IST1: variants seen among roughly 807,000 people sequenced by gnomAD.
IST1 encodes IST1 homolog.
IST1 carries 23 observed loss-of-function variants against 37.0 expected under a neutral mutation model. That is an observed-to-expected ratio of 0.62 (90% confidence interval 0.45 to 0.88). IST1 has a LOEUF of 0.88. Among genes scored for constraint, IST1 ranks in the 40% least tolerant of loss-of-function variants. IST1 has a pLI of 0.00. For synonymous variants in IST1, 180 were observed against 161.7 expected (o/e 1.11, Z -0.86); for missense variants, 488 against 445.4 (o/e 1.10, Z -0.86).
At chr16:71,919,506 C>T (rs1393684028) in intron 4 of IST1, among the ~76,000 whole-genome samples, 1 of 152,222 alleles carries the variant, frequency 6.6e-6, no homozygotes, top group Non-Finnish European at 1.5e-5. Flanking sequence ...CCCACCTCAG[C>T]CCCCTGAGTA....
intron 1 of IST1, among the ~76,000 whole-genome samples, chr16:71,908,296 CTTTTTTTT>C (rs59849119): frequency 1.3e-5 from 1 of 76,820 alleles, no homozygotes; most frequent in Middle Eastern, 0.018. Flanking sequence ...CTCGTTGTAG[CTTTTTTTT>C]TTTTTTTTTT....
At position 71,930,425 on chromosome 16, in the gene IST1, G is replaced by A. The variant is rs2037903370; in HGVS notation, c.*2612G>A. ...AGGGCTTTCACAAGAAAACAGGTGA[G>A]TTGCAGTGGAATTGGAAATGATTCA... On this transcript the variant is annotated 3_prime_UTR_variant, in exon 10 of 10. Coordinates refer to ENST00000378799, the MANE Select transcript of IST1 (RefSeq NM_001270975.2). The A allele has an allele frequency of 5.9e-6, 2 of 337,710 alleles. No individual in the cohort carries two copies. Among genetic ancestry groups the A allele is most frequent in the Non-Finnish European group, 5.3e-6 (1 of 187,794 alleles). 20.9% of individuals were successfully genotyped at this position (337,710 alleles called of 1,614,324 possible).
At chr16:71,909,634 G>A (rs560946358) in intron 1 of IST1, among the ~76,000 whole-genome samples, 1 of 152,234 alleles carries the variant, frequency 6.6e-6, no homozygotes, top group East Asian at 1.9e-4. Flanking sequence ...CATTTATATT[G>A]GCCAGTATTT....
intron 1 of IST1, among the ~76,000 whole-genome samples, 187 bp downstream of exon 1, chr16:71,895,776 C>T (rs527982303): frequency 6.6e-6 from 1 of 152,218 alleles, no homozygotes; most frequent in South Asian, 2.1e-4. Context: ...GGGCCCGCGG[C>T]GCAGGAGGCT....
At chr16:71,912,390 A>T (rs1029106906) in intron 1 of IST1, among the ~76,000 whole-genome samples, 2 of 152,080 alleles carry the variant, frequency 1.3e-5, no homozygotes, top group Non-Finnish European at 2.9e-5. Flanking sequence ...GGCGCCCGCC[A>T]CCATGCCTGG....
At chr16:71,909,783 C>G (rs1253912238) in intron 1 of IST1, among the ~76,000 whole-genome samples, 1 of 152,208 alleles carries the variant, frequency 6.6e-6, no homozygotes, top group East Asian at 1.9e-4. Context: ...AGAAATGTCA[C>G]TGTTTACTTG....
At chr16:71,918,442 A>C (rs909187854) in intron 4 of IST1, among the ~76,000 whole-genome samples, 3 of 132,890 alleles carry the variant, frequency 2.3e-5, no homozygotes, top group African/African-American at 8.6e-5. Context: ...TTTGAGATGG[A>C]GTCTTGCAGT....
intron 1 of IST1, among the ~76,000 whole-genome samples, chr16:71,897,451 T>C (rs948062635): frequency 6.6e-6 from 1 of 152,204 alleles, no homozygotes; most frequent in Non-Finnish European, 1.5e-5. Flanking sequence ...TCTCCATCTC[T>C]AGTTTGTTTG....
At chr16:71,923,499 G>C (rs2037660961) in intron 8 of IST1, 119 bp downstream of exon 8, 1 of 572,192 alleles carries the variant, frequency 1.7e-6, no homozygotes, top group Non-Finnish European at 3.1e-6. Context: ...CATCATTTTT[G>C]CTTTGGGATT....
At chr16:71,897,301 C>T (rs2036996083) in intron 1 of IST1, among the ~76,000 whole-genome samples, 1 of 151,880 alleles carries the variant, frequency 6.6e-6, no homozygotes, top group Admixed American at 6.6e-5. Context: ...TTTGAATCCC[C>T]AGTGTTAGTG....
At chr16:71,912,532 C>G (rs757481791) in intron 1 of IST1, among the ~76,000 whole-genome samples, 3 of 152,248 alleles carry the variant, frequency 2.0e-5, no homozygotes, top group East Asian at 3.9e-4. Context: ...CCACCGCGCC[C>G]GGCCTAAAAT....
intron 1 of IST1, among the ~76,000 whole-genome samples, chr16:71,912,064 G>T (rs1181727442): frequency 6.6e-6 from 1 of 151,946 alleles, no homozygotes; most frequent in African/African-American, 2.4e-5. Context: ...TTTCCAGCAG[G>T]AGTTTGAGAA....
chr16:71,921,686 A>G (rs2142583905), intron 6 of IST1: 1 of 441,456 alleles, frequency 2.3e-6, no homozygotes, highest in Non-Finnish European at 4.1e-6. Context: ...AAATGGCACT[A>G]TTATTGCTAC....
chr16:71,920,608 C>G (rs775955934), intron 4 of IST1, 131 bp from the exon 5 acceptor site: 15 of 637,676 alleles, frequency 2.4e-5, no homozygotes, highest in Non-Finnish European at 4.0e-5. Flanking sequence ...AATGCATACC[C>G]CTTAAGGTTT....
chr16:71,930,323 T>A lies in IST1; in HGVS notation c.*2510T>A, dbSNP rs1029808247. The A allele has an allele frequency of 1.2e-6, 1 of 833,872 alleles. No homozygotes were observed. Among genetic ancestry groups the A allele is most frequent in the African/African-American group, 1.7e-5 (1 of 58,140 alleles). 51.7% of individuals were successfully genotyped at this position (833,872 alleles called of 1,614,324 possible). On this transcript the variant is annotated 3_prime_UTR_variant, in exon 10 of 10. Coordinates refer to ENST00000378799, the MANE Select transcript of IST1 (RefSeq NM_001270975.2). ...ACTTAGGGAGAGAGTCAAAAGATAATAAGAAGGAAAATACTTTTAAATGGA... is the reference window on the plus strand; with the variant it reads ...ACTTAGGGAGAGAGTCAAAAGATAAAAAGAAGGAAAATACTTTTAAATGGA...
chr16:71,916,397 A>G (rs770891302), intron 2 of IST1, 65 bp from the exon 3 acceptor site: 11 of 1,504,086 alleles, frequency 7.3e-6, no homozygotes, highest in African/African-American at 1.4e-5. Context: ...TTGGGGGGAG[A>G]TTGGCCTGTA....
chr16:71,912,045 C>A (rs1212320817), intron 1 of IST1, among the ~76,000 whole-genome samples: 1 of 151,780 alleles, frequency 6.6e-6, no homozygotes, highest in African/African-American at 2.4e-5. Flanking sequence ...GAGGTGGTGC[C>A]AATTTACGTT....
intron 1 of IST1, among the ~76,000 whole-genome samples, chr16:71,898,235 G>C (rs965222349): frequency 6.6e-6 from 1 of 150,984 alleles, no homozygotes; most frequent in African/African-American, 2.4e-5. Context: ...AAATTAGCCA[G>C]GTGTGGTGGT....
chr16:71,927,902 C>T lies in IST1; in HGVS notation c.*89C>T. ...AAAGAATCTCCATGAAATTCTGTTT[C>T]ATCTGTTAACCGTCACTCAGCACAA... On this transcript the variant is annotated 3_prime_UTR_variant, in exon 10 of 10. Transcript: ENST00000378799. 7.5e-6 allele frequency: 7 copies of T among 939,338 alleles called. No individual in the cohort carries two copies. Among genetic ancestry groups the T allele is most frequent in the Non-Finnish European group, 1.2e-5 (7 of 590,238 alleles). The allele number at this position is 939,338 out of a possible 1,614,324, so 58.2% of individuals were successfully genotyped here. A position where few individuals can be genotyped will look rare whatever the true frequency, so the allele number is the denominator to read the frequency against.
Sources: gnomAD v4.1 joint callset for allele counts (sites outside exome capture counted in the v4.1 genomes callset) on GRCh38, gnomAD v4.1.1 for gene constraint, MANE v1.5 for transcripts, NCBI Gene and HGNC (gene_info 2026-07-23, HGNC 2026-07-21) for gene names.